The following C3orf70 variants were observed in gnomAD, a reference collection of about 807,000 sequenced individuals.
C3orf70 encodes the protein UPF0524 protein C3orf70.
A neutral mutation model predicts 20.7 loss-of-function variants in C3orf70; 15 were observed. The ratio of observed to expected loss-of-function variants is 0.72; its 90% CI spans 0.48 to 1.11. The LOEUF is 1.11. C3orf70 is among the 50% of genes most tolerant of loss of function. C3orf70 has a pLI of 0.00. For missense variants in C3orf70, 332 were observed against 317.6 expected, an observed-to-expected ratio of 1.05 and a Z score of -0.34; for synonymous variants, 161 against 125.7, an observed-to-expected ratio of 1.28 and a Z score of -1.88.
Position 185,083,178 on chromosome 3 carries a change from C to T in C3orf70, c.582G>A (p.Ala194=), listed in dbSNP as rs200917972. ...PSSSEDSGIN[A]IGAHYVESCD... ...ACGATTCCACATAGTGAGCCCCAAT[C>T]GCATTGATCCCAGAGTCCTCAGAAC... The change falls in exon 2 of 2, where the codon GCG becomes GCA. Residue 194 remains alanine, a synonymous_variant. Transcript: ENST00000335012. 1.4e-5 allele frequency: 23 copies of T among 1,614,172 alleles called. 1 individual carries two copies. In the East Asian group the frequency reaches 2.7e-4, roughly 19 times the overall value.
chr3:185,092,278 G>C (rs1323903000), intron 1 of C3orf70, among the ~76,000 whole-genome samples: 1 of 151,930 alleles, frequency 6.6e-6, no homozygotes, highest in Non-Finnish European at 1.5e-5. Flanking sequence ...AGAAGGCAAG[G>C]GCTGCCTGGA....
intron 1 of C3orf70, among the ~76,000 whole-genome samples, chr3:185,135,149 G>T (rs1448965172): frequency 6.6e-6 from 1 of 151,782 alleles, no homozygotes; most frequent in African/African-American, 2.4e-5. Context: ...CAAACTAAAT[G>T]AAAAATAACA....
chr3:185,110,303 T>G (rs933042688), intron 1 of C3orf70, among the ~76,000 whole-genome samples: 12 of 152,248 alleles, frequency 7.9e-5, no homozygotes, highest in African/African-American at 2.9e-4. Context: ...CTGACCTTAA[T>G]GCCAGGAACT....
rs551179236 is a variant in C3orf70 at position 185,139,525 on chromosome 3, C to A, written c.196+13103G>T. On this transcript the variant is annotated intron_variant, in intron 1 of 1. Transcript: ENST00000335012. ...CCGAGATCATACCACTGCACTCCAG[C>A]CTGGGTGACGGAGCAAGACTGTCTC... Among the ~76,000 whole-genome samples the A allele has an allele frequency of 1.0e-3, 151 of 149,718 alleles. 1 individual carries two copies. Among genetic ancestry groups the A allele is most frequent in the African/African-American group, 3.6e-3 (145 of 40,800 alleles).
intron 1 of C3orf70, among the ~76,000 whole-genome samples, chr3:185,151,228 T>C (rs1716983157): frequency 6.6e-6 from 1 of 152,246 alleles, no homozygotes; most frequent in South Asian, 2.1e-4. Context: ...TTCCCATCAG[T>C]AACGGTGTAC....
At chr3:185,134,857 G>A (rs1177768815) in intron 1 of C3orf70, among the ~76,000 whole-genome samples, 1 of 152,110 alleles carries the variant, frequency 6.6e-6, no homozygotes, top group Non-Finnish European at 1.5e-5. Flanking sequence ...GGTGGTATCA[G>A]TGGAGGCCTA....
intron 1 of C3orf70, among the ~76,000 whole-genome samples, chr3:185,146,799 T>C (rs1329705251): frequency 6.6e-6 from 1 of 152,102 alleles, no homozygotes; most frequent in East Asian, 1.9e-4. Flanking sequence ...TTTCCTAGAG[T>C]TGTATAGAAG....
At chr3:185,095,735 C>CTTTTT (rs756180408) in intron 1 of C3orf70, among the ~76,000 whole-genome samples, 6 of 127,548 alleles carry the variant, frequency 4.7e-5, no homozygotes, top group South Asian at 2.6e-4. Flanking sequence ...CATTCTGAAA[C>CTTTTT]TTTTTTTTTT....
chr3:185,139,495 G>A (rs752073245), intron 1 of C3orf70, among the ~76,000 whole-genome samples: 3 of 150,856 alleles, frequency 2.0e-5, no homozygotes, highest in Non-Finnish European at 4.4e-5. Flanking sequence ...AGAGGTTGCA[G>A]TCAGCCGAGA....
At chr3:185,091,652 G>T (rs1011463456) in intron 1 of C3orf70, among the ~76,000 whole-genome samples, 4 of 151,212 alleles carry the variant, frequency 2.6e-5, no homozygotes, top group Non-Finnish European at 4.4e-5. Flanking sequence ...GACACACCTG[G>T]ATATGAATCC....
intron 1 of C3orf70, among the ~76,000 whole-genome samples, chr3:185,122,338 G>T (rs114987060): frequency 9.2e-5 from 14 of 152,222 alleles, no homozygotes; most frequent in African/African-American, 3.4e-4. Context: ...CTCCATATCC[G>T]TGGGTTCTGT....
Position 185,094,659 on chromosome 3 carries a change from TA to T in C3orf70, c.197-11097del, listed in dbSNP as rs772826039. Among the ~76,000 whole-genome samples the T allele has an allele frequency of 8.2e-3, 1,177 of 143,346 alleles. 4 individuals carry two copies. Among genetic ancestry groups the T allele is most frequent in the East Asian group, 0.015 (76 of 4,978 alleles). 94.0% of individuals were successfully genotyped at this position (143,346 alleles called of 152,430 possible). A position where few individuals can be genotyped will look rare whatever the true frequency, so the allele number is the denominator to read the frequency against. On this transcript the variant is annotated intron_variant, in intron 1 of 1. Transcript: ENST00000335012. The stretch of plus-strand genomic sequence containing the variant: ...GAGTTTTTAGAAACTTCTGGTAGAT[TA>T]AAAAAAAAAAAAATCTCCTAGGCTT...
intron 1 of C3orf70, among the ~76,000 whole-genome samples, chr3:185,124,665 C>T (rs1716371707): frequency 1.3e-5 from 2 of 151,644 alleles, no homozygotes. Context: ...AAGCATAAAC[C>T]GTTAAAAAAA....
chr3:185,092,299 A>T (rs1392493048), intron 1 of C3orf70, among the ~76,000 whole-genome samples: 1 of 152,058 alleles, frequency 6.6e-6, no homozygotes, highest in Non-Finnish European at 1.5e-5. Context: ...GGTGTCTCCA[A>T]GCCACTCTAG....
intron 1 of C3orf70, among the ~76,000 whole-genome samples, chr3:185,093,600 G>A (rs1715638532): frequency 6.6e-6 from 1 of 152,170 alleles, no homozygotes; most frequent in African/African-American, 2.4e-5. Context: ...GACACCACAA[G>A]AGGAAATATA....
intron 1 of C3orf70, among the ~76,000 whole-genome samples, chr3:185,091,934 TATATATATATATATATATATATATATATA>T (rs1390566849): frequency 0.029 from 140 of 4,808 alleles, 3 homozygotes; most frequent in African/African-American, 0.095. Flanking sequence ...TATATATATA[TATATATATATATATATATATATATATATA>T]TTTTTTTTTT....
intron 1 of C3orf70, among the ~76,000 whole-genome samples, chr3:185,107,325 G>C (rs2108594597): frequency 1.3e-5 from 2 of 152,218 alleles, no homozygotes; most frequent in South Asian, 4.2e-4. Flanking sequence ...AAATCTATGG[G>C]GGAGAGATTT....
chr3:185,111,141 A>T (rs1460117728), intron 1 of C3orf70, among the ~76,000 whole-genome samples: 2 of 152,226 alleles, frequency 1.3e-5, no homozygotes, highest in Non-Finnish European at 2.9e-5. Flanking sequence ...TAAGAGCTAA[A>T]ACTATAAATT....
intron 1 of C3orf70, among the ~76,000 whole-genome samples, chr3:185,139,235 C>T (rs765492812): frequency 7.9e-5 from 12 of 151,484 alleles, no homozygotes; most frequent in Non-Finnish European, 1.6e-4. Flanking sequence ...AAGACAATGA[C>T]GACGAGAGAA....
Sources: allele counts gnomAD v4.1 joint callset (sites outside exome capture counted in the v4.1 genomes callset), GRCh38; gene constraint gnomAD v4.1.1; transcripts MANE v1.5; gene names NCBI Gene and HGNC (gene_info 2026-07-23, HGNC 2026-07-21).